The following AAMDC variants were observed in gnomAD, a reference collection of about 807,000 sequenced individuals.
AAMDC encodes the protein adipogenesis associated Mth938 domain containing.
A neutral mutation model predicts 15.5 loss-of-function variants in AAMDC; 16 were observed. The ratio of observed to expected loss-of-function variants is 1.03; its 90% CI spans 0.70 to 1.57. The LOEUF is 1.57. Ranked by LOEUF, AAMDC falls within the 40% of genes most tolerant of loss-of-function variation. The pLI is 0.00. For missense variants in AAMDC, 141 were observed against 144.9 expected, an observed-to-expected ratio of 0.97 and a Z score of 0.14; for synonymous variants, 51 against 51.6, an observed-to-expected ratio of 0.99 and a Z score of 0.05.
chr11:77,853,660 A>T (rs765611133), intron 2 of AAMDC, among the ~76,000 whole-genome samples: 1 of 152,132 alleles, frequency 6.6e-6, no homozygotes, highest in Non-Finnish European at 1.5e-5. Flanking sequence ...AATTACAGCC[A>T]TGCCAGGCAG....
intron 2 of AAMDC, among the ~76,000 whole-genome samples, chr11:77,853,490 C>G (rs1950484852): frequency 6.6e-6 from 1 of 152,074 alleles, no homozygotes; most frequent in Non-Finnish European, 1.5e-5. Flanking sequence ...ACGAGAACAG[C>G]AAGGGGGATA....
At chr11:77,840,679 G>C (rs183981329) in intron 1 of AAMDC, among the ~76,000 whole-genome samples, 1 of 152,280 alleles carries the variant, frequency 6.6e-6, no homozygotes, top group East Asian at 1.9e-4. Flanking sequence ...AATGTGCTGG[G>C]ATTACAGGCA....
rs142715433 is a variant in AAMDC, at chr11:77,856,388, T to C, written c.133-13334T>C. Reference sequence around the variant, plus strand: ...AATTTGCCCTCATCTTCCTTTCTTCTTCTGAGCCCTTCAAACTATTCCACC... The same window carrying C: ...AATTTGCCCTCATCTTCCTTTCTTCCTCTGAGCCCTTCAAACTATTCCACC... On this transcript the variant is annotated intron_variant, in intron 2 of 3. Coordinates refer to ENST00000393427, the MANE Select transcript of AAMDC (RefSeq NM_024684.4). Among the ~76,000 whole-genome samples, 4 of 152,322 alleles carry C rather than the reference T, an allele frequency of 2.6e-5. No homozygotes were observed. The East Asian group carries it at 5.8e-4, about 22-fold the overall frequency.
At chr11:77,838,304 T>C (rs1949780621) in intron 1 of AAMDC, among the ~76,000 whole-genome samples, 1 of 152,196 alleles carries the variant, frequency 6.6e-6, no homozygotes, top group Non-Finnish European at 1.5e-5. Flanking sequence ...GCTGTGAACA[T>C]ACCTTGTAGA....
At chr11:77,837,168 C>G (rs1169185696) in intron 1 of AAMDC, among the ~76,000 whole-genome samples, 1 of 152,156 alleles carries the variant, frequency 6.6e-6, no homozygotes, top group Non-Finnish European at 1.5e-5. Flanking sequence ...CGTAGTCTCG[C>G]TCTGTCACCC....
chr11:77,882,234 T>G (rs1189090743), intron 5 of AAMDC, among the ~76,000 whole-genome samples: 5 of 152,132 alleles, frequency 3.3e-5, no homozygotes. Flanking sequence ...TTAAAATTAT[T>G]CAGGCTCAGG....
intron 5 of AAMDC, among the ~76,000 whole-genome samples, chr11:77,895,645 G>A (rs1381343086): frequency 6.6e-6 from 1 of 151,250 alleles, no homozygotes; most frequent in Non-Finnish European, 1.5e-5. Flanking sequence ...ACCACAAGGA[G>A]TGAGAGGGCT....
chr11:77,846,006 CAT>C (rs1491202665), intron 2 of AAMDC, among the ~76,000 whole-genome samples: 2 of 151,348 alleles, frequency 1.3e-5, no homozygotes, highest in Non-Finnish European at 2.9e-5. Flanking sequence ...TTATATTTCT[CAT>C]TTTTTTTTTT....
chr11:77,883,458 G>A (rs1951871286), intron 5 of AAMDC, among the ~76,000 whole-genome samples: 1 of 152,068 alleles, frequency 6.6e-6, no homozygotes, highest in South Asian at 2.1e-4. Flanking sequence ...ATTGTCATTT[G>A]GAAGATAAGG....
chr11:77,896,435 G>A (rs113533187), intron 5 of AAMDC, among the ~76,000 whole-genome samples: 75 of 151,934 alleles, frequency 4.9e-4, no homozygotes, highest in African/African-American at 1.7e-3. Context: ...GCGGATCACC[G>A]GAGGTCAGAA....
At chr11:77,834,270 C>T (rs1949578458) in intron 1 of AAMDC, among the ~76,000 whole-genome samples, 1 of 152,118 alleles carries the variant, frequency 6.6e-6, no homozygotes, top group Non-Finnish European at 1.5e-5. Context: ...CAACAATGAA[C>T]TAAACACTTT....
At position 77,900,686 on chromosome 11, in the gene AAMDC, G is replaced by A. The variant is rs146247145; in HGVS notation, c.444G>A (p.Ter148=). Residue 148 remains the stop codon, a stop_retained_variant, in exon 6 of 6, where the codon TAG becomes TAA. Transcript: ENST00000304716. ...AGATGCACCTTTATTTTATGAAATA[G>A]TAAGAAACAAAAAACACTATGGGAC... is the stretch of plus-strand genomic sequence containing the variant. 2,040 of 682,010 alleles carry A rather than the reference G, an allele frequency of 3.0e-3. 45 individuals are homozygous for A. The East Asian group carries it at 0.047, about 16-fold the overall frequency. 42.2% of individuals were successfully genotyped at this position (682,010 alleles called of 1,614,324 possible).
chr11:77,889,487 G>A (rs746888958), intron 5 of AAMDC, among the ~76,000 whole-genome samples: 43 of 152,052 alleles, frequency 2.8e-4, no homozygotes, highest in Non-Finnish European at 5.7e-4. Context: ...CATGGCACAT[G>A]TATACAGATG....
At chr11:77,839,107 A>G (rs1358426866) in intron 1 of AAMDC, among the ~76,000 whole-genome samples, 1 of 152,038 alleles carries the variant, frequency 6.6e-6, no homozygotes, top group East Asian at 1.9e-4. Flanking sequence ...TTCTGAGAAT[A>G]CTCAATTACT....
chr11:77,874,999 G>C (rs936629760), downstream of AAMDC, among the ~76,000 whole-genome samples: 1 of 150,012 alleles, frequency 6.7e-6, no homozygotes, highest in South Asian at 2.1e-4. Flanking sequence ...GTGAGATCGT[G>C]CCACTGCACT....
intron 2 of AAMDC, among the ~76,000 whole-genome samples, chr11:77,860,378 G>T (rs1257883462): frequency 6.6e-6 from 1 of 152,242 alleles, no homozygotes; most frequent in African/African-American, 2.4e-5. Context: ...TTGGGATGAG[G>T]ATAAGCCAGT....
At chr11:77,900,317 T>C (rs1246184150) in intron 5 of AAMDC, among the ~76,000 whole-genome samples, 2 of 152,284 alleles carry the variant, frequency 1.3e-5, no homozygotes, top group East Asian at 1.9e-4. Context: ...GCCAGGATGC[T>C]CTTGATCTCC....
intron 5 of AAMDC, among the ~76,000 whole-genome samples, chr11:77,881,525 T>C (rs867245837): frequency 1.1e-4 from 17 of 152,260 alleles, no homozygotes; most frequent in Admixed American, 6.5e-5. Flanking sequence ...GCACTGTCAC[T>C]GATCAGGTAT....
chr11:77,842,237 A>T (rs1353911883), intron 1 of AAMDC, among the ~76,000 whole-genome samples: 1 of 152,190 alleles, frequency 6.6e-6, no homozygotes, highest in Non-Finnish European at 1.5e-5. Flanking sequence ...ATCTCTCAAA[A>T]ATATCCTAAG....
Sources: allele counts gnomAD v4.1 joint callset (sites outside exome capture counted in the v4.1 genomes callset), GRCh38; gene constraint gnomAD v4.1.1; transcripts MANE v1.5; gene names NCBI Gene and HGNC (gene_info 2026-07-23, HGNC 2026-07-21).